Variants in NFATC2 observed in about 807,000 individuals in gnomAD.
NFATC2 encodes nuclear factor of activated T cells 2, also known as nuclear factor of activated T-cells, cytoplasmic 2.
A neutral mutation model predicts 87.3 loss-of-function variants in NFATC2; 22 were observed. That is an observed-to-expected ratio of 0.25 (90% confidence interval 0.18 to 0.36). The LOEUF (loss-of-function observed/expected upper bound fraction) is 0.36, where lower values mean the gene tolerates loss of function less well. Ranked by LOEUF, NFATC2 falls within the 10% of genes least tolerant of loss-of-function variation. NFATC2 has a pLI of 1.00. For missense variants in NFATC2, 1,149 were observed against 1,259.1 expected (o/e 0.91, Z 1.32); for synonymous variants, 565 against 542.2 (o/e 1.04, Z -0.58).
At chr20:51,398,268 C>A (rs774545272) in intron 10 of NFATC2, among the ~76,000 whole-genome samples, 10 of 152,198 alleles carry the variant, frequency 6.6e-5, no homozygotes, top group Non-Finnish European at 1.5e-4. Flanking sequence ...TCTGCTGTTC[C>A]CCAGTGCCGG....
chr20:51,443,088 T>C (rs754410110), intron 6 of NFATC2, among the ~76,000 whole-genome samples: 117 of 152,350 alleles, frequency 7.7e-4, no homozygotes, highest in Non-Finnish European at 1.1e-3. Flanking sequence ...TGGAACTTGC[T>C]GTTGCCACCT....
intron 2 of NFATC2, among the ~76,000 whole-genome samples, chr20:51,522,350 A>C (rs1302391432): frequency 2.0e-5 from 3 of 152,200 alleles, no homozygotes; most frequent in Non-Finnish European, 4.4e-5. Flanking sequence ...CGGCTTCATA[A>C]AGGTGCCCAA....
intron 10 of NFATC2, among the ~76,000 whole-genome samples, chr20:51,398,110 A>G (rs549479649): frequency 5.3e-5 from 8 of 151,788 alleles, no homozygotes; most frequent in African/African-American, 1.9e-4. Flanking sequence ...AAGTAGCAGA[A>G]TCCTGCGACT....
At chr20:51,396,726 CTG>C (rs1987205910) in intron 10 of NFATC2, among the ~76,000 whole-genome samples, 2 of 152,218 alleles carry the variant, frequency 1.3e-5, no homozygotes, top group African/African-American at 2.4e-5. Flanking sequence ...ACTATTTCCT[CTG>C]CCTTGCAGTG....
At chr20:51,497,603 C>T (rs991168626) in intron 3 of NFATC2, among the ~76,000 whole-genome samples, 11 of 152,168 alleles carry the variant, frequency 7.2e-5, no homozygotes, top group African/African-American at 2.7e-4. Context: ...GATAGACGTT[C>T]GCCTGAGCCC....
chr20:51,389,372 T>TCCTAGCCAGGTCGAGTGAGAAC lies in NFATC2; in HGVS notation c.*2102_*2123dup, dbSNP rs1329934191. 3.3e-5 allele frequency: 5 copies of TCCTAGCCAGGTCGAGTGAGAAC among 151,126 alleles called. No individual in the cohort carries two copies. Among genetic ancestry groups the TCCTAGCCAGGTCGAGTGAGAAC allele is most frequent in the Admixed American group, 2.6e-4 (4 of 15,256 alleles). 9.4% of individuals were successfully genotyped at this position (151,126 alleles called of 1,614,324 possible). ...TGTACAAAAAACAGCTCCTAGCCAG[T>TCCTAGCCAGGTCGAGTGAGAAC]CCTAGCCAGGTCGAGTGAGAACAAA... On this transcript the variant is annotated 3_prime_UTR_variant, in exon 11 of 11. Coordinates refer to ENST00000371564, the MANE Select transcript of NFATC2 (RefSeq NM_012340.5).
chr20:51,520,887 G>A (rs191252052), intron 2 of NFATC2, among the ~76,000 whole-genome samples: 2 of 151,818 alleles, frequency 1.3e-5, no homozygotes, highest in African/African-American at 4.8e-5. Context: ...CTCAAACTCC[G>A]ACCTCAGGTG....
At chr20:51,542,278 G>A (rs1409226169) in intron 1 of NFATC2, 92 bp downstream of exon 1, 57 of 1,459,420 alleles carry the variant, frequency 3.9e-5, no homozygotes, top group Non-Finnish European at 4.9e-5. Flanking sequence ...TAGGAAGGGG[G>A]ACGGCTGGAG....
At chr20:51,561,810 G>T (rs952620749) in intron 1 of NFATC2, among the ~76,000 whole-genome samples, 1 of 152,090 alleles carries the variant, frequency 6.6e-6, no homozygotes. Context: ...TGGAGCCAAA[G>T]CCCCTCCGCA....
intron 3 of NFATC2, among the ~76,000 whole-genome samples, chr20:51,481,766 C>T (rs941922709): frequency 2.6e-5 from 4 of 152,126 alleles, no homozygotes; most frequent in Admixed American, 2.0e-4. Flanking sequence ...ACTTGAAAAA[C>T]CGGATCTGAG....
intron 9 of NFATC2, among the ~76,000 whole-genome samples, chr20:51,428,291 G>A (rs892898368): frequency 1.3e-5 from 2 of 152,218 alleles, no homozygotes; most frequent in African/African-American, 4.8e-5. Context: ...GAACGCAAGT[G>A]ACGGTGTATG....
chr20:51,392,382 C>T (rs2869420), intron 10 of NFATC2, among the ~76,000 whole-genome samples: 13 of 152,178 alleles, frequency 8.5e-5, no homozygotes, highest in African/African-American at 3.1e-4. Flanking sequence ...CAGTCACTGG[C>T]ATCAGGAAGC....
chr20:51,443,855 G>C (rs1984691213), intron 6 of NFATC2, among the ~76,000 whole-genome samples: 1 of 151,882 alleles, frequency 6.6e-6, no homozygotes, highest in South Asian at 2.1e-4. Flanking sequence ...GAGGGGAAGA[G>C]AAAGGAGCCA....
At chr20:51,561,431 AAAAGAAAGAAAGAAAG>A (rs1184978605) in intron 1 of NFATC2, among the ~76,000 whole-genome samples, 135 of 110,254 alleles carry the variant, frequency 1.2e-3, no homozygotes, top group South Asian at 2.3e-3. Context: ...AGAGAGAAAG[AAAAGAAAGAAAGAAAG>A]AAAGAAAGAA....
intron 6 of NFATC2, among the ~76,000 whole-genome samples, chr20:51,447,239 T>TA (rs1321106888): frequency 6.6e-6 from 1 of 152,206 alleles, no homozygotes; most frequent in Non-Finnish European, 1.5e-5. Flanking sequence ...GCGTCCTTTC[T>TA]AAAAAATCAA....
intron 9 of NFATC2, among the ~76,000 whole-genome samples, chr20:51,426,084 G>T (rs1166212261): frequency 6.6e-6 from 1 of 151,924 alleles, no homozygotes; most frequent in African/African-American, 2.4e-5. Context: ...GCATGAGGGT[G>T]AGGAAGCCCA....
intron 1 of NFATC2, among the ~76,000 whole-genome samples, chr20:51,550,213 T>C (rs1335174995): frequency 6.6e-6 from 1 of 152,102 alleles, no homozygotes; most frequent in East Asian, 1.9e-4. Flanking sequence ...GGGCTCCCAT[T>C]TGAGCCCAGG....
At position 51,523,646 on chromosome 20, in the gene NFATC2, C is replaced by T. The variant is rs1568726023; in HGVS notation, c.595G>A (p.Asp199Asn). Residue 199 changes from aspartate to asparagine, a missense_variant, in exon 2 of 11, where the codon GAC becomes AAC. Physicochemically the swap from Asp to Asn is conservative, Grantham distance 23. Around this residue, in one of 3 missense-constraint regions of NFATC2, gnomAD observed 563 missense variants for 585.2 expected, o/e 0.96. Coordinates refer to ENST00000371564, the MANE Select transcript of NFATC2 (RefSeq NM_012340.5). This position sits in a 1 kb window ranked among gnomAD's most constrained non-coding sequence, Gnocchi z 6.9. ...PCVSPNNGGP[D>N]DLCPQFQNIP... Reference sequence around the variant, plus strand: ...TTTTGAAACTGCGGACACAGGTCGTCGGGCCCGCCGTTATTGGGCGAGACG... The same window carrying T: ...TTTTGAAACTGCGGACACAGGTCGTTGGGCCCGCCGTTATTGGGCGAGACG... 1.9e-6 allele frequency: 3 copies of T among 1,613,220 alleles called. No homozygotes were observed. The highest frequency in any genetic ancestry group is 2.5e-6 in the Non-Finnish European group (3 of 1,179,576).
At chr20:51,493,718 C>T (rs768851226) in intron 3 of NFATC2, among the ~76,000 whole-genome samples, 3 of 152,156 alleles carry the variant, frequency 2.0e-5, no homozygotes, top group Non-Finnish European at 4.4e-5. Context: ...GGAACAGAGT[C>T]GATCACATTG....
Sources: allele counts gnomAD v4.1 joint callset (sites outside exome capture counted in the v4.1 genomes callset), GRCh38; gene constraint gnomAD v4.1.1; regional missense constraint gnomAD v4.1.1; non-coding constraint Gnocchi (gnomAD v3.1); transcripts MANE v1.5; gene names NCBI Gene and HGNC (gene_info 2026-07-23, HGNC 2026-07-21).